Variants in DAB2IP observed in about 807,000 individuals in gnomAD.
The protein encoded by DAB2IP is DAB2 interacting protein.
A neutral mutation model predicts 107.2 loss-of-function variants in DAB2IP; 28 were observed. The ratio of observed to expected loss-of-function variants is 0.26; its 90% CI spans 0.19 to 0.36. The LOEUF (loss-of-function observed/expected upper bound fraction) is 0.36, where lower values mean the gene tolerates loss of function less well. Among genes scored for constraint, DAB2IP ranks in the 10% least tolerant of loss-of-function variants. The probability of loss-of-function intolerance (pLI) is 1.00; values close to 1 mark genes in which losing one functional copy is unlikely to be tolerated. For missense variants in DAB2IP, 1,400 were observed against 1,644.7 expected, an observed-to-expected ratio of 0.85 and a Z score of 2.57; for synonymous variants, 755 against 706.4, an observed-to-expected ratio of 1.07 and a Z score of -1.09.
At chr9:121,652,195 C>T (rs1265181628) in intron 1 of DAB2IP, among the ~76,000 whole-genome samples, 2 of 152,290 alleles carry the variant, frequency 1.3e-5, no homozygotes, top group Non-Finnish European at 2.9e-5. Context: ...CCTCAGTTTA[C>T]TCAGCAGCCG....
intron 3 of DAB2IP, among the ~76,000 whole-genome samples, chr9:121,700,632 A>C (rs1409905323): frequency 3.9e-5 from 6 of 152,194 alleles, no homozygotes; most frequent in Admixed American, 1.3e-4. Flanking sequence ...AGAGGAGTAC[A>C]AGTTACAGCC....
exon 16 of DAB2IP, chr9:121,783,708 C>T: frequency 1.0e-6 from 1 of 955,164 alleles, no homozygotes; most frequent in Non-Finnish European, 1.6e-6. Context: ...CTCCTCCTCA[C>T]CCTTCCCGGC....
chr9:121,740,382 C>G (rs1240047545), intron 3 of DAB2IP, among the ~76,000 whole-genome samples: 6 of 152,158 alleles, frequency 3.9e-5, no homozygotes, highest in Non-Finnish European at 7.3e-5. Flanking sequence ...GTGTTCCCCC[C>G]GTCAGCCCCT....
intron 2 of DAB2IP, among the ~76,000 whole-genome samples, chr9:121,688,624 C>T (rs186274122): frequency 4.6e-5 from 7 of 152,310 alleles, no homozygotes; most frequent in African/African-American, 4.8e-5. Context: ...CGCTCCCTCA[C>T]GGACTCTGTG....
intron 3 of DAB2IP, among the ~76,000 whole-genome samples, chr9:121,746,861 C>T (rs955534045): frequency 9.2e-5 from 14 of 152,252 alleles, no homozygotes; most frequent in East Asian, 7.7e-4. Context: ...TTTATGGTCC[C>T]GGGTGGGGTG....
chr9:121,656,102 G>A (rs1334689858), intron 1 of DAB2IP, among the ~76,000 whole-genome samples: 1 of 151,114 alleles, frequency 6.6e-6, no homozygotes, highest in South Asian at 2.1e-4. Flanking sequence ...TCTGCCTCCC[G>A]GGTTCAAGCG....
At chr9:121,593,547 C>T (rs969144476) in intron 1 of DAB2IP, among the ~76,000 whole-genome samples, 1 of 152,116 alleles carries the variant, frequency 6.6e-6, no homozygotes, top group African/African-American at 2.4e-5. Context: ...GCTGGGATTA[C>T]AGACATGAGC....
chr9:121,674,503 C>T (rs72764061), intron 1 of DAB2IP, among the ~76,000 whole-genome samples: 2,901 of 152,218 alleles, frequency 0.019, 39 homozygotes, highest in Non-Finnish European at 0.03. Flanking sequence ...CCCTATCCTC[C>T]GGCCACCTGG....
At chr9:121,687,855 C>T (rs1325876822) in intron 2 of DAB2IP, among the ~76,000 whole-genome samples, 1 of 152,164 alleles carries the variant, frequency 6.6e-6, no homozygotes, top group Non-Finnish European at 1.5e-5. Flanking sequence ...GCATGCAGCC[C>T]AGTCTTTGCT....
intron 3 of DAB2IP, among the ~76,000 whole-genome samples, chr9:121,700,492 A>G (rs1463296122): frequency 1.3e-5 from 2 of 152,150 alleles, no homozygotes; most frequent in African/African-American, 4.8e-5. Context: ...GAGCCTTTTC[A>G]GCATTCAGCC....
At chr9:121,755,974 G>A (rs1057063062) in intron 3 of DAB2IP, among the ~76,000 whole-genome samples, 1 of 152,130 alleles carries the variant, frequency 6.6e-6, no homozygotes, top group Non-Finnish European at 1.5e-5. Flanking sequence ...GTTGGGGGTA[G>A]GAGGTCCATG....
chr9:121,598,411 G>T (rs1002640935), intron 1 of DAB2IP: 1 of 152,408 alleles, frequency 6.6e-6, no homozygotes, highest in East Asian at 1.9e-4. Flanking sequence ...CCTCACCCCG[G>T]GCCTGGCCCG....
At chr9:121,753,847 A>T (rs945482625) in intron 3 of DAB2IP, among the ~76,000 whole-genome samples, 1 of 152,124 alleles carries the variant, frequency 6.6e-6, no homozygotes, top group Middle Eastern at 3.2e-3. Flanking sequence ...AGGGAAGCTG[A>T]GCCTATCCCT....
chr9:121,771,066 G>C (rs898261418), intron 11 of DAB2IP, among the ~76,000 whole-genome samples: 4 of 152,204 alleles, frequency 2.6e-5, no homozygotes, highest in African/African-American at 7.2e-5. Context: ...CAGATCCCCT[G>C]ATATTTGTTA....
intron 5 of DAB2IP, among the ~76,000 whole-genome samples, chr9:121,759,278 C>A (rs574265635): frequency 6.6e-6 from 1 of 152,300 alleles, no homozygotes; most frequent in South Asian, 2.1e-4. Flanking sequence ...GACCCCTTGT[C>A]CCTACTCCCC....
chr9:121,709,932 C>T (rs1041433793), intron 3 of DAB2IP, among the ~76,000 whole-genome samples: 1 of 152,174 alleles, frequency 6.6e-6, no homozygotes, highest in Non-Finnish European at 1.5e-5. Context: ...CATGGCTGGG[C>T]ACATCCTATG....
chr9:121,676,707 C>A (rs1287750315), intron 1 of DAB2IP, among the ~76,000 whole-genome samples: 1 of 151,498 alleles, frequency 6.6e-6, no homozygotes, highest in Non-Finnish European at 1.5e-5. Flanking sequence ...AGACTCAGGT[C>A]TAGTTATTGC....
In DAB2IP at chr9:121,715,166, A is replaced by G. The variant is rs1243649102; in HGVS notation, c.362+15708A>G. 2.0e-4 allele frequency among the ~76,000 whole-genome samples: 31 copies of G among 151,626 alleles called. 1 individual carries two copies. Among genetic ancestry groups the G allele is most frequent in the Admixed American group, 2.0e-3 (31 of 15,246 alleles). ...GGTGTCTCTTTAGCTAGGGTTAAGG[A>G]CCTTGCTCCTGCAGGGCAGGGGGCT... On this transcript the variant is annotated intron_variant, in intron 3 of 15. Transcript: ENST00000408936.
Position 121,773,353 on chromosome 9 carries a change from C to T in DAB2IP, c.2825C>T (p.Thr942Ile). Residue 942 changes from threonine to isoleucine, a missense_variant, in exon 12 of 16, where the codon ACC becomes ATC. Physicochemically the swap from Thr to Ile is moderately conservative, Grantham distance 89. Transcript: ENST00000408936. ...CGGACGCCCCCCAACCTGCTGAGCA[C>T]CCTGCAGTACCCAAGACCCTCAAGC... The T allele has an allele frequency of 6.3e-7, 1 of 1,587,744 alleles. No individual in the cohort carries two copies. Among genetic ancestry groups the T allele is most frequent in the Non-Finnish European group, 8.6e-7 (1 of 1,168,386 alleles).
Sources: gnomAD v4.1 joint callset for allele counts (sites outside exome capture counted in the v4.1 genomes callset) on GRCh38, gnomAD v4.1.1 for gene constraint, MANE v1.5 for transcripts, NCBI Gene and HGNC (gene_info 2026-07-23, HGNC 2026-07-21) for gene names.